DNAJC1: variants seen among roughly 807,000 people sequenced by gnomAD.
DNAJC1 encodes the protein DnaJ heat shock protein family (Hsp40) member C1.
In DNAJC1, 58 loss-of-function variants were observed where a neutral mutation model predicts 76.6. The ratio of observed to expected loss-of-function variants is 0.76; its 90% CI spans 0.61 to 0.94. DNAJC1 has a LOEUF of 0.94. Among genes scored for constraint, DNAJC1 ranks in the 40% least tolerant of loss-of-function variants. DNAJC1 has a pLI of 0.00. For missense variants in DNAJC1, 689 were observed against 677.3 expected (o/e 1.02, Z -0.19); for synonymous variants, 258 against 267.9 (o/e 0.96, Z 0.36).
At chr10:21,977,898 C>A (rs182436136) in intron 1 of DNAJC1, among the ~76,000 whole-genome samples, 2 of 152,076 alleles carry the variant, frequency 1.3e-5, no homozygotes, top group East Asian at 3.9e-4. Context: ...AAGTAAATTT[C>A]TTTTCAAAGT....
intron 7 of DNAJC1, among the ~76,000 whole-genome samples, chr10:21,884,448 T>C (rs1298005857): frequency 1.3e-5 from 2 of 152,148 alleles, no homozygotes; most frequent in Admixed American, 6.5e-5. Context: ...ACTTCTAAAT[T>C]GGTGGAGGAA....
At chr10:21,939,184 C>T (rs1837363156) in intron 1 of DNAJC1, among the ~76,000 whole-genome samples, 2 of 152,102 alleles carry the variant, frequency 1.3e-5, no homozygotes, top group African/African-American at 2.4e-5. Flanking sequence ...CCACCGCTCC[C>T]GGCCCGCTCA....
intron 7 of DNAJC1, among the ~76,000 whole-genome samples, chr10:21,901,484 C>T (rs1486670859): frequency 6.6e-6 from 1 of 152,114 alleles, no homozygotes; most frequent in Admixed American, 6.5e-5. Flanking sequence ...CTTATTTAAA[C>T]CTAAACCACA....
At chr10:21,786,449 TATATATATATATATAGAG>T (rs1369032278) in intron 9 of DNAJC1, among the ~76,000 whole-genome samples, 100 of 107,714 alleles carry the variant, frequency 9.3e-4, no homozygotes, top group East Asian at 6.2e-3. Flanking sequence ...TATATATATA[TATATATATATATATAGAG>T]AGAGAGAGAG....
At chr10:21,949,636 C>T (rs1046064219) in intron 1 of DNAJC1, among the ~76,000 whole-genome samples, 2 of 151,058 alleles carry the variant, frequency 1.3e-5, no homozygotes, top group South Asian at 2.1e-4. Flanking sequence ...AGGCTGGTTT[C>T]GAACTCTTGA....
At chr10:21,891,789 G>A (rs1836467464) in intron 7 of DNAJC1, among the ~76,000 whole-genome samples, 1 of 152,038 alleles carries the variant, frequency 6.6e-6, no homozygotes, top group Non-Finnish European at 1.5e-5. Flanking sequence ...CGTCACCAGT[G>A]GACCTATCCT....
At chr10:21,817,412 T>C (rs1430303693) in intron 8 of DNAJC1, among the ~76,000 whole-genome samples, 1 of 152,160 alleles carries the variant, frequency 6.6e-6, no homozygotes, top group Non-Finnish European at 1.5e-5. Flanking sequence ...TCATGACTTG[T>C]AGTCCTTGTA....
intron 1 of DNAJC1, among the ~76,000 whole-genome samples, chr10:21,986,454 TG>T (rs1383390980): frequency 6.6e-6 from 1 of 152,174 alleles, no homozygotes; most frequent in African/African-American, 2.4e-5. Context: ...TATATCTTCT[TG>T]GGTAAGGTGT....
At chr10:21,889,599 C>G (rs1836427292) in intron 7 of DNAJC1, among the ~76,000 whole-genome samples, 2 of 152,202 alleles carry the variant, frequency 1.3e-5, no homozygotes, top group Admixed American at 1.3e-4. Context: ...GCCTGACCAG[C>G]TAGGTACTGC....
At chr10:21,974,659 C>T (rs1838033518) in intron 1 of DNAJC1, among the ~76,000 whole-genome samples, 1 of 152,172 alleles carries the variant, frequency 6.6e-6, no homozygotes, top group Admixed American at 6.5e-5. Flanking sequence ...TACTACACTG[C>T]CTTCGTTACC....
intron 1 of DNAJC1, among the ~76,000 whole-genome samples, chr10:21,958,828 T>C (rs558627975): frequency 6.6e-6 from 1 of 152,326 alleles, no homozygotes; most frequent in African/African-American, 2.4e-5. Flanking sequence ...CTATTTTTTT[T>C]GCAGAAAAAT....
intron 3 of DNAJC1, 39 bp downstream of exon 3, chr10:21,928,467 C>T (rs1417912776): frequency 6.4e-7 from 1 of 1,565,364 alleles, no homozygotes; most frequent in East Asian, 2.2e-5. Context: ...TAGCATGAAA[C>T]TATAACATCT....
Position 22,003,694 on chromosome 10 carries a change from G to A in DNAJC1, c.-260C>T. On this transcript the variant is annotated 5_prime_UTR_variant, in exon 1 of 12. Transcript: ENST00000376980. ...ACCCTCGCCCCCAGGCCTACACACAGCTGTAGAGGCAGCGCCCGGCGCCTG... is the reference window on the plus strand; with the variant it reads ...ACCCTCGCCCCCAGGCCTACACACAACTGTAGAGGCAGCGCCCGGCGCCTG... 2.7e-6 allele frequency: 1 copy of A among 368,280 alleles called. No homozygotes were observed. Among genetic ancestry groups the A allele is most frequent in the Non-Finnish European group, 4.8e-6 (1 of 209,412 alleles). 22.8% of individuals were successfully genotyped at this position (368,280 alleles called of 1,614,324 possible).
chr10:21,780,692 G>A (rs1031452869), intron 9 of DNAJC1, among the ~76,000 whole-genome samples: 4 of 152,108 alleles, frequency 2.6e-5, no homozygotes, highest in Non-Finnish European at 4.4e-5. Context: ...ATCAACTAAC[G>A]AGCAAAATAA....
chr10:21,771,745 G>A (rs1463618293), intron 9 of DNAJC1, among the ~76,000 whole-genome samples: 1 of 152,176 alleles, frequency 6.6e-6, no homozygotes, highest in East Asian at 1.9e-4. Context: ...TGATCAGCCT[G>A]CCCTGGCCTC....
chr10:21,801,444 C>T (rs1178901604), intron 9 of DNAJC1, among the ~76,000 whole-genome samples: 1 of 152,148 alleles, frequency 6.6e-6, no homozygotes, highest in African/African-American at 2.4e-5. Flanking sequence ...TACCATCTCA[C>T]ACCAGTCAGA....
chr10:21,866,653 A>C (rs1836006358), intron 8 of DNAJC1, among the ~76,000 whole-genome samples: 1 of 152,130 alleles, frequency 6.6e-6, no homozygotes, highest in Non-Finnish European at 1.5e-5. Flanking sequence ...AATAATAATC[A>C]AAGGATTTAA....
chr10:21,862,447 G>C (rs888097982), intron 8 of DNAJC1, among the ~76,000 whole-genome samples: 1 of 59,114 alleles, frequency 1.7e-5, no homozygotes, highest in African/African-American at 6.3e-5. Context: ...TTTTTTTTTT[G>C]AGACTGAGCC....
intron 8 of DNAJC1, among the ~76,000 whole-genome samples, chr10:21,855,144 C>T (rs1835814120): frequency 6.6e-6 from 1 of 152,112 alleles, no homozygotes; most frequent in Non-Finnish European, 1.5e-5. Context: ...TTAATCAATA[C>T]TGACGGAGTT....
Sources: gnomAD v4.1 joint callset for allele counts (sites outside exome capture counted in the v4.1 genomes callset) on GRCh38, gnomAD v4.1.1 for gene constraint, MANE v1.5 for transcripts, NCBI Gene and HGNC (gene_info 2026-07-23, HGNC 2026-07-21) for gene names.